Variants in BAZ2B observed in about 807,000 individuals in gnomAD.
BAZ2B encodes the protein bromodomain adjacent to zinc finger domain 2B.
In BAZ2B, 91 loss-of-function variants were observed where a neutral mutation model predicts 246.0. That is an observed-to-expected ratio of 0.37 (90% CI 0.31 to 0.44). The LOEUF (loss-of-function observed/expected upper bound fraction) is 0.44, where lower values mean the gene tolerates loss of function less well. Ranked by LOEUF, BAZ2B falls within the 20% of genes least tolerant of loss-of-function variation. The pLI, the probability that BAZ2B is intolerant of heterozygous loss-of-function variation, is 1.00. For missense variants in BAZ2B, 2,332 were observed against 2,533.7 expected, an observed-to-expected ratio of 0.92 and a Z score of 1.71; for synonymous variants, 855 against 860.0, an observed-to-expected ratio of 0.99 and a Z score of 0.10.
chr2:159,493,219 A>G (rs2080694765), intron 2 of BAZ2B, among the ~76,000 whole-genome samples: 1 of 152,232 alleles, frequency 6.6e-6, no homozygotes, highest in Non-Finnish European at 1.5e-5. Flanking sequence ...CCAATAGGAC[A>G]GCCATTAACC....
At position 159,383,698 on chromosome 2, in the gene BAZ2B, T is replaced by C. The variant is rs759154385; in HGVS notation, c.3687-18A>G. On this transcript the variant is annotated intron_variant, in intron 23 of 36. Coordinates refer to ENST00000392783, the MANE Select transcript of BAZ2B (RefSeq NM_013450.4). ...CGATTTCACTGCCAATGCAAGAATT[T>C]ATTAAAAAGTGTAAATTAATCAATT... 5.0e-6 allele frequency: 8 copies of C among 1,595,666 alleles called. 1 individual carries two copies. Among genetic ancestry groups the C allele is most frequent in the South Asian group, 2.2e-5 (2 of 89,508 alleles).
At chr2:159,655,916 A>C in the BAZ2B span, among the ~76,000 whole-genome samples, 2 of 152,170 alleles carry the variant, frequency 1.3e-5, no homozygotes, top group Admixed American at 1.3e-4. Context: ...ACATATTTTT[A>C]ATAGCTGTGT....
At chr2:159,535,680 G>A (rs1033900298) in intron 2 of BAZ2B, among the ~76,000 whole-genome samples, 3 of 152,128 alleles carry the variant, frequency 2.0e-5, no homozygotes, top group Non-Finnish European at 1.5e-5. Context: ...GAAATGTTCT[G>A]AGTGTTACCT....
At chr2:159,589,070 G>A (rs777180459) in intron 1 of BAZ2B, among the ~76,000 whole-genome samples, 2 of 152,034 alleles carry the variant, frequency 1.3e-5, no homozygotes, top group Non-Finnish European at 1.5e-5. Flanking sequence ...TTAAAATGTG[G>A]GAAGAAATCA....
chr2:159,472,502 C>A (rs573036933), intron 3 of BAZ2B, among the ~76,000 whole-genome samples: 1 of 152,308 alleles, frequency 6.6e-6, no homozygotes, highest in African/African-American at 2.4e-5. Context: ...ATGGCCCTGG[C>A]CAGAACTTCC....
chr2:159,547,609 CA>C (rs375790165), intron 2 of BAZ2B, among the ~76,000 whole-genome samples: 14 of 152,242 alleles, frequency 9.2e-5, no homozygotes, highest in African/African-American at 3.4e-4. Context: ...TGGAAGAAAA[CA>C]ATTTACTAGC....
the BAZ2B span, among the ~76,000 whole-genome samples, chr2:159,637,575 A>T: frequency 6.6e-6 from 1 of 151,992 alleles, no homozygotes; most frequent in South Asian, 2.1e-4. Context: ...TTTTATTTTT[A>T]TTTTTTTCGA....
At chr2:159,571,674 G>T (rs1684044207) in intron 1 of BAZ2B, among the ~76,000 whole-genome samples, 1 of 152,164 alleles carries the variant, frequency 6.6e-6, no homozygotes, top group Admixed American at 6.5e-5. Context: ...GCACAGAATG[G>T]GTAGTTTATA....
the BAZ2B span, among the ~76,000 whole-genome samples, chr2:159,671,908 G>C: frequency 6.6e-6 from 1 of 152,156 alleles, no homozygotes; most frequent in East Asian, 1.9e-4. Flanking sequence ...GTTCTCTTGG[G>C]AGCCGCTGAA....
At chr2:159,508,706 CCT>C (rs1347579703) in intron 2 of BAZ2B, among the ~76,000 whole-genome samples, 3 of 152,110 alleles carry the variant, frequency 2.0e-5, no homozygotes, top group African/African-American at 7.2e-5. Flanking sequence ...ATGTATACCC[CCT>C]GACCAGAAAT....
At chr2:159,421,078 C>T (rs540333624) in intron 13 of BAZ2B, among the ~76,000 whole-genome samples, 9 of 151,988 alleles carry the variant, frequency 5.9e-5, no homozygotes, top group East Asian at 1.9e-4. Context: ...GAAAAGTAGC[C>T]GATGCTACAA....
chr2:159,703,111 G>C, the BAZ2B span, among the ~76,000 whole-genome samples: 1 of 151,402 alleles, frequency 6.6e-6, no homozygotes, highest in Non-Finnish European at 1.5e-5. Flanking sequence ...TTTTGAGATG[G>C]AGTCTTGCTC....
chr2:159,445,205 A>G (rs1198102264), intron 6 of BAZ2B, among the ~76,000 whole-genome samples: 3 of 152,192 alleles, frequency 2.0e-5, no homozygotes, highest in Non-Finnish European at 4.4e-5. Flanking sequence ...GGAACCAATG[A>G]TAAGAGCCAA....
chr2:159,556,106 A>C (rs1310426695), intron 1 of BAZ2B, among the ~76,000 whole-genome samples: 1 of 152,148 alleles, frequency 6.6e-6, no homozygotes, highest in African/African-American at 2.4e-5. Flanking sequence ...AATCACCAAC[A>C]CCCTAGGGTG....
chr2:159,542,832 C>A (rs781602740), intron 2 of BAZ2B, among the ~76,000 whole-genome samples: 2 of 152,016 alleles, frequency 1.3e-5, no homozygotes, highest in Middle Eastern at 3.2e-3. Flanking sequence ...GAAATTAAGA[C>A]CTTCCCAGGA....
At chr2:159,652,613 G>A in the BAZ2B span, among the ~76,000 whole-genome samples, 1 of 152,102 alleles carries the variant, frequency 6.6e-6, no homozygotes, top group African/African-American at 2.4e-5. Context: ...GAGCATGCAA[G>A]AAATATTTTT....
intron 1 of BAZ2B, among the ~76,000 whole-genome samples, chr2:159,582,130 T>C (rs904637610): frequency 6.6e-5 from 10 of 152,210 alleles, no homozygotes; most frequent in African/African-American, 9.7e-5. Context: ...TATATTCACA[T>C]GGCAGACTTC....
intron 13 of BAZ2B, among the ~76,000 whole-genome samples, chr2:159,424,762 T>C (rs993694597): frequency 1.3e-5 from 2 of 152,206 alleles, no homozygotes; most frequent in East Asian, 1.9e-4. Flanking sequence ...ATATAACCTA[T>C]ACCTATACTC....
intron 27 of BAZ2B, among the ~76,000 whole-genome samples, chr2:159,372,445 G>A (rs752514251): frequency 1.3e-5 from 2 of 152,188 alleles, no homozygotes; most frequent in Non-Finnish European, 2.9e-5. Context: ...ATTCGAGAAG[G>A]TTTACTGAGC....
Sources: gnomAD v4.1 joint callset for allele counts (sites outside exome capture counted in the v4.1 genomes callset) on GRCh38, gnomAD v4.1.1 for gene constraint, MANE v1.5 for transcripts, NCBI Gene and HGNC (gene_info 2026-07-23, HGNC 2026-07-21) for gene names.